The following ATP12A variants were observed in gnomAD, a reference collection of about 807,000 sequenced individuals.
ATP12A encodes the protein ATPase H+/K+ transporting non-gastric alpha2 subunit.
Under a neutral mutation model 111.2 loss-of-function variants are expected in ATP12A, and 81 were observed. That is an observed-to-expected ratio of 0.73 (90% confidence interval 0.61 to 0.88). ATP12A has a LOEUF of 0.88. ATP12A is among the 40% of genes least tolerant of loss of function. The pLI is 0.00. For missense variants in ATP12A, 1,196 were observed against 1,313.1 expected, an observed-to-expected ratio of 0.91 and a Z score of 1.38; for synonymous variants, 498 against 499.8, an observed-to-expected ratio of 1.00 and a Z score of 0.05.
intron 2 of ATP12A, among the ~76,000 whole-genome samples, chr13:24,682,157 G>A (rs1356981370): frequency 1.5e-4 from 16 of 107,870 alleles, no homozygotes; most frequent in African/African-American, 7.4e-4. Context: ...TGGTGTGTGT[G>A]TGGTGTGTGT....
At position 24,710,570 on chromosome 13, in the gene ATP12A, C is replaced by A; in HGVS notation, c.2874C>A (p.Ser958=). The A allele has an allele frequency of 6.2e-7, 1 of 1,614,210 alleles. No individual in the cohort carries two copies. Among genetic ancestry groups the A allele is most frequent in the Non-Finnish European group, 8.5e-7 (1 of 1,180,050 alleles). The change falls in exon 20 of 23, where the codon TCC becomes TCA. Residue 958 remains serine (S), a synonymous_variant. Transcript: ENST00000381946. ...TCATCAGGAAAACCCGGAGGAATTC[C>A]ATCTTCCAGCAGGGTCTCTTCAGGT... ...DLIIRKTRRN[S]IFQQGLFRNK...
At chr13:24,705,246 C>A (rs146011401) in intron 14 of ATP12A, among the ~76,000 whole-genome samples, 1 of 152,142 alleles carries the variant, frequency 6.6e-6, no homozygotes, top group African/African-American at 2.4e-5. Context: ...GGTCAGGGAG[C>A]GAGACCCGTG....
Position 24,692,532 on chromosome 13 carries a change from A to G in ATP12A, c.1172A>G (p.Asp391Gly). 1.9e-6 allele frequency: 3 copies of G among 1,611,716 alleles called. No homozygotes were observed. The highest frequency in any genetic ancestry group is 2.7e-5 in the African/African-American group (2 of 72,948). Residue 391 changes from aspartate (D) to glycine (G), a missense_variant, in exon 9 of 23, where the codon GAC (aspartate) becomes GGC (glycine). Around this residue, in one of 3 missense-constraint regions of ATP12A, gnomAD observed 1,126 missense variants for 1,228.5 expected, o/e 0.92. Coordinates refer to ENST00000381946, the MANE Select transcript of ATP12A (RefSeq NM_001676.7). ...GGCTCCACCTCCATCATCTGCTCGG[A>G]CAAGACTGGGACACTGACCCAGAAC... ...TLGSTSIICS[D>G]KTGTLTQNRM... is the part of the protein sequence containing the mutation.
Position 24,698,809 on chromosome 13 carries a change from C to G in ATP12A, c.1664C>G (p.Thr555Arg). The G allele has an allele frequency of 6.2e-7, 1 of 1,614,090 alleles. No individual in the cohort carries two copies. Among genetic ancestry groups the G allele is most frequent in the Non-Finnish European group, 8.5e-7 (1 of 1,180,034 alleles). Reference sequence around the variant, plus strand: ...AAGAGCACTGCCAAGACCTTCCACACAGCCTACATGGAGCTGGGCGGGTTG... The same window carrying G: ...AAGAGCACTGCCAAGACCTTCCACAGAGCCTACATGGAGCTGGGCGGGTTG... ...LDKSTAKTFH[T>R]AYMELGGLGE... Residue 555 changes from threonine to arginine, a missense_variant, in exon 12 of 23, where the codon ACA becomes AGA. By Grantham distance (71) the Thr-to-Arg change is moderately conservative. Around this residue, in one of 3 missense-constraint regions of ATP12A, gnomAD observed 1,126 missense variants for 1,228.5 expected, o/e 0.92. Transcript: ENST00000381946.
At chr13:24,705,507 G>A (rs1422604299) in intron 14 of ATP12A, among the ~76,000 whole-genome samples, 2 of 152,186 alleles carry the variant, frequency 1.3e-5, no homozygotes, top group Non-Finnish European at 2.9e-5. Flanking sequence ...GCAGGCAATA[G>A]CGCTGCTCAA....
chr13:24,707,537 C>T, intron 17 of ATP12A, 104 bp downstream of exon 17: 2 of 1,459,986 alleles, frequency 1.4e-6, no homozygotes, highest in Non-Finnish European at 1.9e-6. Context: ...CAAGGCTTCT[C>T]AGCTTCCATG....
At position 24,711,402 on chromosome 13, in the gene ATP12A, C is replaced by T; in HGVS notation, c.3084C>T (p.Tyr1028=). The stretch of plus-strand genomic sequence containing the variant: ...TGCGGAAGCTCTTCATCAGGCTCTA[C>T]CCTGGAAGTGAGTAGCCTATGATTT... The part of the protein sequence containing the change: ...DEVRKLFIRL[Y]PGSWWDKNMY... The change falls in exon 22 of 23, where the codon TAC becomes TAT. Residue 1028 remains tyrosine, a synonymous_variant. Transcript: ENST00000381946. 1.2e-6 allele frequency: 2 copies of T among 1,613,674 alleles called. No individual in the cohort carries two copies.
At chr13:24,688,738 G>A (rs1214247403) in intron 4 of ATP12A, among the ~76,000 whole-genome samples, 1 of 152,194 alleles carries the variant, frequency 6.6e-6, no homozygotes, top group Non-Finnish European at 1.5e-5. Context: ...TTAAGGGGGA[G>A]AAAATCTGCA....
chr13:24,686,672 G>A (rs1364693728), intron 3 of ATP12A, among the ~76,000 whole-genome samples: 1 of 152,130 alleles, frequency 6.6e-6, no homozygotes, highest in Non-Finnish European at 1.5e-5. Flanking sequence ...CTGGGAGGCG[G>A]AGCTTGCAGT....
At chr13:24,705,036 AAGG>A (rs1875566410) in intron 14 of ATP12A, among the ~76,000 whole-genome samples, 1 of 152,146 alleles carries the variant, frequency 6.6e-6, no homozygotes, top group Admixed American at 6.5e-5. Context: ...GCCAGCGGTT[AAGG>A]AGACCTGTAG....
Position 24,688,513 on chromosome 13 carries a change from C to A in ATP12A, c.423C>A (p.Ser141=). ...AGTACTCCAGCGACAAGTCTGCATC[C>A]CTGAACAACGTAAGGCTCTGGGGTG... ...GIQYSSDKSA[S]LNNVYLGCVL... is the part of the protein sequence containing the mutation. Residue 141 remains serine (S), a synonymous_variant, in exon 4 of 23, where the codon TCC becomes TCA. Transcript: ENST00000381946. The A allele has an allele frequency of 6.3e-7, 1 of 1,593,476 alleles. No homozygotes were observed. The highest frequency in any genetic ancestry group is 8.6e-7 in the Non-Finnish European group (1 of 1,167,364).
intron 2 of ATP12A, among the ~76,000 whole-genome samples, chr13:24,682,392 G>GGT (rs752254799): frequency 4.0e-5 from 4 of 99,536 alleles, no homozygotes; most frequent in African/African-American, 1.6e-4. Context: ...TGTGGTGTGT[G>GGT]GTGTGTGTAT....
chr13:24,690,792 TC>T, intron 7 of ATP12A, 71 bp downstream of exon 7: 1 of 1,492,338 alleles, frequency 6.7e-7, no homozygotes, highest in Non-Finnish European at 9.1e-7. Flanking sequence ...CTCAGGTCTG[TC>T]CTTTGCCACA....
chr13:24,712,185 C>T lies in ATP12A; in HGVS notation c.*663C>T, dbSNP rs1876003275. On this transcript the variant is annotated 3_prime_UTR_variant, in exon 23 of 23. Transcript: ENST00000381946. The stretch of plus-strand genomic sequence containing the variant: ...TATGCCCCGTCGCCCTCCACCCCTA[C>T]ATCAGCTCCTCCAAAACTGAGCTCC... 6.5e-6 allele frequency: 1 copy of T among 153,034 alleles called. No individual in the cohort carries two copies. Among genetic ancestry groups the T allele is most frequent in the African/African-American group, 2.4e-5 (1 of 41,452 alleles). The allele number at this position is 153,034 out of a possible 1,614,324, so 9.5% of individuals were successfully genotyped here.
Position 24,680,581 on chromosome 13 carries a change from C to A in ATP12A, c.-163C>A. 1 of 712,996 alleles carries A rather than the reference C, an allele frequency of 1.4e-6. No individual in the cohort carries two copies. Among genetic ancestry groups the A allele is most frequent in the Non-Finnish European group, 2.1e-6 (1 of 471,118 alleles). The allele number at this position is 712,996 out of a possible 1,614,324, so 44.2% of individuals were successfully genotyped here. The stretch of plus-strand genomic sequence containing the variant: ...CCCGGTGCAGCGGCTGGCGATCGGC[C>A]GCGGAGGTGCGTGCAGGGCCCGCGC... On this transcript the variant is annotated 5_prime_UTR_variant, in exon 1 of 23. Transcript: ENST00000381946.
chr13:24,684,981 C>T (rs13378915), intron 2 of ATP12A, among the ~76,000 whole-genome samples: 21,609 of 152,234 alleles, frequency 0.14, 1,614 homozygotes, highest in Middle Eastern at 0.23. Context: ...AGCTCACTGG[C>T]ACCTGGAAGA....
chr13:24,710,725 GTC>G, intron 20 of ATP12A, 65 bp from the exon 21 acceptor site: 1 of 1,599,574 alleles, frequency 6.3e-7, no homozygotes, highest in Non-Finnish European at 8.6e-7. Context: ...TGGTGGCATG[GTC>G]TGCTGGGTGT....
intron 16 of ATP12A, 21 bp downstream of exon 16, chr13:24,707,212 C>T: frequency 6.2e-7 from 1 of 1,613,102 alleles, no homozygotes; most frequent in Non-Finnish European, 8.5e-7. Flanking sequence ...CTCAGGGGGT[C>T]TTCCCAAGGG....
At chr13:24,705,418 C>T (rs1488416241) in intron 14 of ATP12A, among the ~76,000 whole-genome samples, 4 of 152,150 alleles carry the variant, frequency 2.6e-5, no homozygotes, top group Admixed American at 1.3e-4. Context: ...GGTGGAAAGC[C>T]CCTGAAGAGT....
Sources: allele counts gnomAD v4.1 joint callset (sites outside exome capture counted in the v4.1 genomes callset), GRCh38; gene constraint gnomAD v4.1.1; regional missense constraint gnomAD v4.1.1; transcripts MANE v1.5; gene names NCBI Gene and HGNC (gene_info 2026-07-23, HGNC 2026-07-21).